RHAG: variants seen among roughly 807,000 people sequenced by gnomAD.
The protein encoded by RHAG is ammonium transporter Rh type A.
RHAG carries 25 observed loss-of-function variants against 42.4 expected under a neutral mutation model. The ratio of observed to expected loss-of-function variants is 0.59; its 90% CI spans 0.43 to 0.82. RHAG has a LOEUF of 0.82. RHAG is among the 40% of genes least tolerant of loss of function. The pLI is 0.00. For synonymous variants in RHAG, 182 were observed against 177.7 expected (o/e 1.02, Z -0.19); for missense variants, 483 against 504.6 (o/e 0.96, Z 0.41).
At chr6:49,616,838 C>G (rs1287300920) in intron 3 of RHAG, among the ~76,000 whole-genome samples, 2 of 152,206 alleles carry the variant, frequency 1.3e-5, no homozygotes, top group African/African-American at 2.4e-5. Flanking sequence ...AGCCTCCCAG[C>G]AACACTTAGT....
Position 49,607,213 on chromosome 6 carries a change from C to G in RHAG, c.1075G>C (p.Ala359Pro). The G allele has an allele frequency of 6.2e-6, 10 of 1,613,024 alleles. No individual in the cohort carries two copies. The highest frequency in any genetic ancestry group is 8.5e-6 in the Non-Finnish European group (10 of 1,179,366). Residue 359 changes from alanine (A) to proline (P), a missense_variant, in exon 8 of 10, where the codon GCC (alanine) becomes CCC (proline). Physicochemically the swap from Ala to Pro is conservative, Grantham distance 27. Transcript: ENST00000371175. ...GAACCCAGTGCAGCTGCCTGCATGG[C>G]CATAGACCTAAGGAAGCAAACAAAA... The part of the protein sequence containing the change: ...VAMGASNTSM[A>P]MQAAALGSSI...
intron 1 of RHAG, among the ~76,000 whole-genome samples, chr6:49,622,489 G>A (rs1002397430): frequency 2.0e-5 from 3 of 152,040 alleles, no homozygotes; most frequent in Non-Finnish European, 4.4e-5. Context: ...GATTACAGGC[G>A]TAAGCCACCG....
At position 49,618,054 on chromosome 6, in the gene RHAG, TTTCTAAC is replaced by T; in HGVS notation, c.492+7_492+13del. ...TGCCCAAAGCTAGGAAAGTATAAAT[TTTCTAAC>T]TCTTACCTTAAATATTTCACTAACC... On this transcript the variant is annotated splice_region_variant and intron_variant, in intron 3 of 9. Transcript: ENST00000371175. 1 of 1,612,598 alleles carries T rather than the reference TTTCTAAC, an allele frequency of 6.2e-7. No individual in the cohort carries two copies. The highest frequency in any genetic ancestry group is 1.1e-5 in the South Asian group (1 of 90,990).
rs3799676 is a variant in RHAG at position 49,630,576 on chromosome 6, A to G, written c.157+6080T>C. ...GAGAGAATAGTATCCTTAGGGCAGTATCTTCCTTCCTCCCTCTAAATATAT... is the reference window on the plus strand; with the variant it reads ...GAGAGAATAGTATCCTTAGGGCAGTGTCTTCCTTCCTCCCTCTAAATATAT... On this transcript the variant is annotated intron_variant, in intron 1 of 9. Coordinates refer to ENST00000371175, the MANE Select transcript of RHAG (RefSeq NM_000324.3). Among the ~76,000 whole-genome samples the G allele has an allele frequency of 7.9e-5, 12 of 152,324 alleles. No homozygotes were observed. The East Asian group carries it at 2.1e-3, about 27-fold the overall frequency.
chr6:49,612,270 G>A (rs1762581111), intron 6 of RHAG, 127 bp downstream of exon 6: 4 of 1,038,240 alleles, frequency 3.9e-6, no homozygotes, highest in Non-Finnish European at 4.4e-6. Context: ...TTTCCAAAAA[G>A]AAGGCAAATG....
intron 3 of RHAG, among the ~76,000 whole-genome samples, chr6:49,617,315 C>T (rs1270537939): frequency 6.6e-6 from 1 of 152,206 alleles, no homozygotes; most frequent in Non-Finnish European, 1.5e-5. Context: ...TACACTTTCT[C>T]ATAGACCTAC....
chr6:49,615,251 G>A, intron 4 of RHAG: 1 of 275,978 alleles, frequency 3.6e-6, no homozygotes, highest in Non-Finnish European at 6.9e-6. Context: ...CGCCCAGCCT[G>A]GAGGATGTAG....
At chr6:49,618,009 T>C in intron 3 of RHAG, 59 bp downstream of exon 3, 2 of 1,537,164 alleles carry the variant, frequency 1.3e-6, no homozygotes, top group East Asian at 4.5e-5. Flanking sequence ...CACCCATTGT[T>C]TTTTTGTAGC....
intron 1 of RHAG, among the ~76,000 whole-genome samples, chr6:49,620,780 C>T (rs566828809): frequency 6.6e-6 from 1 of 152,278 alleles, no homozygotes; most frequent in East Asian, 1.9e-4. Context: ...ATCTGCCCAC[C>T]TCGGCCTCCC....
intron 1 of RHAG, among the ~76,000 whole-genome samples, chr6:49,629,880 A>C (rs1204088909): frequency 6.6e-6 from 1 of 152,110 alleles, no homozygotes; most frequent in Non-Finnish European, 1.5e-5. Flanking sequence ...CCAGAACTCC[A>C]GCTGGCCCGC....
Position 49,605,556 on chromosome 6 carries a change from A to G in RHAG, c.*257T>C, listed in dbSNP as rs1263677686. The G allele has an allele frequency of 1.3e-5, 7 of 552,156 alleles. No homozygotes were observed. Among genetic ancestry groups the G allele is most frequent in the Non-Finnish European group, 2.3e-5 (7 of 305,896 alleles). The allele number at this position is 552,156 out of a possible 1,614,324, so 34.2% of individuals were successfully genotyped here. ...AATCCTGGAGAAGATCTATTTGATTATCTGTTTTATGAGTAACATCCCCTC... is the reference window on the plus strand; with the variant it reads ...AATCCTGGAGAAGATCTATTTGATTGTCTGTTTTATGAGTAACATCCCCTC... On this transcript the variant is annotated 3_prime_UTR_variant, in exon 10 of 10. Transcript: ENST00000371175.
At chr6:49,620,039 G>A (rs1185480808) in intron 1 of RHAG, among the ~76,000 whole-genome samples, 3 of 152,068 alleles carry the variant, frequency 2.0e-5, no homozygotes, top group Non-Finnish European at 2.9e-5. Flanking sequence ...GGGTCAAATG[G>A]GATAATTTCT....
At position 49,615,095 on chromosome 6, in the gene RHAG, G is replaced by T. The variant is rs115781892; in HGVS notation, c.641-242C>A. On this transcript the variant is annotated intron_variant, in intron 4 of 9. Coordinates refer to ENST00000371175, the MANE Select transcript of RHAG (RefSeq NM_000324.3). ...CCTGAGTAGCTGGGATTACAGGTGCGGGCTACCATGTCCACCTAACTTTTT... is the reference window on the plus strand; with the variant it reads ...CCTGAGTAGCTGGGATTACAGGTGCTGGCTACCATGTCCACCTAACTTTTT... 7.5e-4 allele frequency: 346 copies of T among 462,274 alleles called. 2 individuals carry two copies. Among genetic ancestry groups the T allele is most frequent in the African/African-American group, 6.4e-3 (323 of 50,710 alleles). 28.6% of individuals were successfully genotyped at this position (462,274 alleles called of 1,614,324 possible). A position where few individuals can be genotyped will look rare whatever the true frequency, so the allele number is the denominator to read the frequency against.
intron 1 of RHAG, among the ~76,000 whole-genome samples, chr6:49,624,876 A>C (rs1762819869): frequency 6.6e-6 from 1 of 152,100 alleles, no homozygotes; most frequent in Non-Finnish European, 1.5e-5. Context: ...AAATAGCCAA[A>C]CCTGTTTCTT....
intron 6 of RHAG, among the ~76,000 whole-genome samples, chr6:49,611,740 C>T (rs1581938028): frequency 1.4e-5 from 2 of 143,602 alleles, no homozygotes; most frequent in Non-Finnish European, 3.1e-5. Context: ...CTAAATCTCT[C>T]TTTTTTTTTT....
intron 9 of RHAG, among the ~76,000 whole-genome samples, chr6:49,606,032 C>T (rs928441913): frequency 6.6e-6 from 1 of 152,146 alleles, no homozygotes; most frequent in Non-Finnish European, 1.5e-5. Context: ...TTTCCAAACT[C>T]ATTCTCTCTG....
At position 49,619,381 on chromosome 6, in the gene RHAG, A is replaced by G. The variant is rs1762713149; in HGVS notation, c.158-19T>C. The stretch of plus-strand genomic sequence containing the variant: ...TGGAACACTGGAAAAGAGGAAAGGA[A>G]AAAATATCTGCATTATGAGAGCATG... On this transcript the variant is annotated intron_variant, in intron 1 of 9. Coordinates refer to ENST00000371175, the MANE Select transcript of RHAG (RefSeq NM_000324.3). 1 of 1,607,426 alleles carries G rather than the reference A, an allele frequency of 6.2e-7. No homozygotes were observed. Among genetic ancestry groups the G allele is most frequent in the African/African-American group, 1.3e-5 (1 of 74,846 alleles).
rs1762686614 is a variant in RHAG at position 49,618,191 on chromosome 6, G to C, written c.369C>G (p.Ala123=). ...CAGCTCCAAAAGATATCAGAACTGT[G>C]GCTGCACTGAAGTCTGCATTTATCA... is the stretch of plus-strand genomic sequence containing the variant. ...KNMINADFSA[A]TVLISFGAVL... The change falls in exon 3 of 10, where the codon GCC becomes GCG. Residue 123 remains alanine (A), a synonymous_variant. Coordinates refer to ENST00000371175, the MANE Select transcript of RHAG (RefSeq NM_000324.3). The C allele has an allele frequency of 3.7e-6, 6 of 1,614,120 alleles. No homozygotes were observed. In the East Asian group the frequency reaches 1.3e-4, roughly 36 times the overall value.
chr6:49,620,492 CA>C (rs1762735321), intron 1 of RHAG, among the ~76,000 whole-genome samples: 1 of 152,082 alleles, frequency 6.6e-6, no homozygotes, highest in African/African-American at 2.4e-5. Flanking sequence ...GCATCCACTA[CA>C]GTGGACAAAC....
Sources: gnomAD v4.1 joint callset for allele counts (sites outside exome capture counted in the v4.1 genomes callset) on GRCh38, gnomAD v4.1.1 for gene constraint, MANE v1.5 for transcripts, NCBI Gene and HGNC (gene_info 2026-07-23, HGNC 2026-07-21) for gene names.